The following PCP4L1 variants were observed in gnomAD, a reference collection of about 807,000 sequenced individuals.
The protein encoded by PCP4L1 is Purkinje cell protein 4 like 1, also known as Purkinje cell protein 4-like protein 1.
In PCP4L1, 9 loss-of-function variants were observed where a neutral mutation model predicts 9.6. The ratio of observed to expected loss-of-function variants is 0.94; its 90% CI spans 0.57 to 1.64. PCP4L1 has a LOEUF of 1.64. Among genes scored for constraint, PCP4L1 ranks in the 40% most tolerant of loss-of-function variants. The pLI, the probability that PCP4L1 is intolerant of heterozygous loss-of-function variation, is 0.00. For synonymous variants in PCP4L1, 31 were observed against 28.2 expected, an observed-to-expected ratio of 1.10 and a Z score of -0.31; for missense variants, 81 against 80.8, an observed-to-expected ratio of 1.00 and a Z score of -0.01.
At chr1:161,282,167 TC>T (rs974780929) in intron 1 of PCP4L1, among the ~76,000 whole-genome samples, 15 of 152,026 alleles carry the variant, frequency 9.9e-5, no homozygotes, top group African/African-American at 3.4e-4. Flanking sequence ...GGCGGATCAC[TC>T]GCGGTTAGGA....
chr1:161,258,960 T>C lies in PCP4L1; in HGVS notation c.-15T>C, dbSNP rs775680032. On this transcript the variant is annotated 5_prime_UTR_variant, in exon 1 of 3. Transcript: ENST00000504449. ...TGTGCGTGCAGCGCCTCGCGCGCCCTGTCCGGCTGCGGAGATGAGCGAGGT... is the reference window on the plus strand; with the variant it reads ...TGTGCGTGCAGCGCCTCGCGCGCCCCGTCCGGCTGCGGAGATGAGCGAGGT... The C allele has an allele frequency of 9.5e-5, 145 of 1,534,306 alleles. 1 individual carries two copies. The African/African-American group carries it at 1.3e-3, about 14-fold the overall frequency.
At chr1:161,279,056 T>C (rs979772629) in intron 1 of PCP4L1, among the ~76,000 whole-genome samples, 1 of 152,360 alleles carries the variant, frequency 6.6e-6, no homozygotes, top group Non-Finnish European at 1.5e-5. Flanking sequence ...GTGCTGAGAT[T>C]ACAGGCATGA....
Position 161,284,917 on chromosome 1 carries a change from C to T in PCP4L1, c.*436C>T, listed in dbSNP as rs1669883414. The T allele has an allele frequency of 5.9e-6, 1 of 168,264 alleles. No homozygotes were observed. Among genetic ancestry groups the T allele is most frequent in the Non-Finnish European group, 1.3e-5 (1 of 77,068 alleles). 10.4% of individuals were successfully genotyped at this position (168,264 alleles called of 1,614,324 possible). A position where few individuals can be genotyped will look rare whatever the true frequency, so the allele number is the denominator to read the frequency against. On this transcript the variant is annotated 3_prime_UTR_variant, in exon 3 of 3. Transcript: ENST00000504449. The stretch of plus-strand genomic sequence containing the variant: ...GTAACATTTTTTTTCCCCTTCAGAT[C>T]CTTCTGCACCAACTCCAACTTCCCC...
chr1:161,279,067 G>A (rs1229738410), intron 1 of PCP4L1, among the ~76,000 whole-genome samples: 1 of 152,206 alleles, frequency 6.6e-6, no homozygotes, highest in Non-Finnish European at 1.5e-5. Context: ...ACAGGCATGA[G>A]CCACTGCATC....
intron 1 of PCP4L1, among the ~76,000 whole-genome samples, chr1:161,278,784 C>T (rs1187152671): frequency 2.6e-5 from 4 of 152,104 alleles, no homozygotes; most frequent in Admixed American, 6.6e-5. Context: ...GTCTTTCTTT[C>T]TCTTTCCTCT....
At chr1:161,282,116 A>G (rs1242825886) in intron 1 of PCP4L1, among the ~76,000 whole-genome samples, 2 of 152,132 alleles carry the variant, frequency 1.3e-5, no homozygotes, top group Non-Finnish European at 2.9e-5. Flanking sequence ...TGAGTGAACA[A>G]GACTCCGTCT....
At chr1:161,278,670 G>GA (rs145446906) in intron 1 of PCP4L1, among the ~76,000 whole-genome samples, 6 of 152,098 alleles carry the variant, frequency 3.9e-5, no homozygotes, top group East Asian at 3.9e-4. Context: ...CATCAGCTCA[G>GA]AAAAAAATCG....
chr1:161,279,558 G>A (rs959921277), intron 1 of PCP4L1, among the ~76,000 whole-genome samples: 7 of 152,226 alleles, frequency 4.6e-5, no homozygotes, highest in Non-Finnish European at 8.8e-5. Context: ...GAACCCTTAC[G>A]TCTGGCAGTC....
rs142019027 is a variant in PCP4L1, at chr1:161,280,885, G to T, written c.10-2783G>T. ...TATTGATCATTCTTGGGTGTTTCTC[G>T]CAGAGGGGGATTTGGCAGGGTCATA... On this transcript the variant is annotated intron_variant, in intron 1 of 2. Transcript: ENST00000504449. Among the ~76,000 whole-genome samples, 3 of 151,194 alleles carry T rather than the reference G, an allele frequency of 2.0e-5. 1 individual carries two copies. The highest frequency in any genetic ancestry group is 4.2e-4 in the South Asian group (2 of 4,794).
chr1:161,276,942 C>T (rs180865706), intron 1 of PCP4L1, among the ~76,000 whole-genome samples: 33 of 151,858 alleles, frequency 2.2e-4, no homozygotes, highest in African/African-American at 7.7e-4. Flanking sequence ...TTATTGGAAC[C>T]ATTTACCAGA....
chr1:161,275,794 C>CTTTTTTT (rs1191740761), intron 1 of PCP4L1, among the ~76,000 whole-genome samples: 1 of 134,180 alleles, frequency 7.5e-6, no homozygotes, highest in Non-Finnish European at 1.6e-5. Flanking sequence ...CTAGGTCATA[C>CTTTTTTT]TTTTTTTTTT....
At position 161,284,796 on chromosome 1, in the gene PCP4L1, A is replaced by C; in HGVS notation, c.*315A>C. The C allele has an allele frequency of 3.1e-6, 1 of 327,032 alleles. No homozygotes were observed. The highest frequency in any genetic ancestry group is 5.7e-6 in the Non-Finnish European group (1 of 176,458). 20.3% of individuals were successfully genotyped at this position (327,032 alleles called of 1,614,324 possible). ...GCTTCGAGGCTGAGAGATCTCCCCAAAGAACAATGTGGGAAGGAGGGGAAG... is the reference window on the plus strand; with the variant it reads ...GCTTCGAGGCTGAGAGATCTCCCCACAGAACAATGTGGGAAGGAGGGGAAG... On this transcript the variant is annotated 3_prime_UTR_variant, in exon 3 of 3. Transcript: ENST00000504449.
chr1:161,258,997 C>T lies in PCP4L1; in HGVS notation c.9+14C>T, dbSNP rs1324517446. 1.2e-5 allele frequency: 18 copies of T among 1,530,976 alleles called. No individual in the cohort carries two copies. Among genetic ancestry groups the T allele is most frequent in the Non-Finnish European group, 1.7e-6 (2 of 1,144,660 alleles). 94.8% of individuals were successfully genotyped at this position (1,530,976 alleles called of 1,614,324 possible). ...GAGATGAGCGAGGTGAGCGGTGCGG[C>T]CCCCGGCGCTGTCGGCAGGGCTGCG... On this transcript the variant is annotated intron_variant, in intron 1 of 2. Coordinates refer to ENST00000504449, the MANE Select transcript of PCP4L1 (RefSeq NM_001102566.2).
At chr1:161,266,322 G>A (rs539812256) in intron 1 of PCP4L1, among the ~76,000 whole-genome samples, 2 of 152,306 alleles carry the variant, frequency 1.3e-5, no homozygotes, top group South Asian at 4.1e-4. Flanking sequence ...TTAACACCAT[G>A]GGTGGGATGC....
Position 161,284,619 on chromosome 1 carries a change from C to T in PCP4L1, c.*138C>T, listed in dbSNP as rs1205814328. The T allele has an allele frequency of 8.6e-7, 1 of 1,162,732 alleles. No individual in the cohort carries two copies. Among genetic ancestry groups the T allele is most frequent in the African/African-American group, 1.6e-5 (1 of 63,916 alleles). 72.0% of individuals were successfully genotyped at this position (1,162,732 alleles called of 1,614,324 possible). On this transcript the variant is annotated 3_prime_UTR_variant, in exon 3 of 3. Coordinates refer to ENST00000504449, the MANE Select transcript of PCP4L1 (RefSeq NM_001102566.2). ...ACCTTTATATACTCTTGTATCTGGC[C>T]CCCTCAAGCCATCACAGAAGTAGAG...
intron 1 of PCP4L1, among the ~76,000 whole-genome samples, chr1:161,265,732 C>CTTT (rs869123262): frequency 1.4e-3 from 108 of 76,702 alleles, no homozygotes; most frequent in Non-Finnish European, 1.8e-3. Flanking sequence ...TCCAAAACCA[C>CTTT]TTTTTTTTTT....
At chr1:161,259,900 A>G (rs1311686149) in intron 1 of PCP4L1, among the ~76,000 whole-genome samples, 2 of 152,242 alleles carry the variant, frequency 1.3e-5, no homozygotes, top group Admixed American at 6.5e-5. Context: ...TAGGCCAGCT[A>G]CTTACCTGTG....
Position 161,272,673 on chromosome 1 carries a change from T to TTTTA in PCP4L1, c.10-10979_10-10976dup, listed in dbSNP as rs562131886. On this transcript the variant is annotated intron_variant, in intron 1 of 2. Coordinates refer to ENST00000504449, the MANE Select transcript of PCP4L1 (RefSeq NM_001102566.2). ...AAAAGAAATTCAGGTTGAGGGAGGC[T>TTTTA]TTTATTTATTTATTTATTTTTATTT... is the stretch of plus-strand genomic sequence containing the variant. Among the ~76,000 whole-genome samples, 36 of 151,994 alleles carry TTTTA rather than the reference T, an allele frequency of 2.4e-4. No individual in the cohort carries two copies. The South Asian group carries it at 3.9e-3, about 17-fold the overall frequency.
intron 1 of PCP4L1, among the ~76,000 whole-genome samples, chr1:161,274,489 A>G (rs911963816): frequency 6.6e-6 from 1 of 152,210 alleles, no homozygotes; most frequent in Non-Finnish European, 1.5e-5. Flanking sequence ...CTCTGCAGGT[A>G]TGAGTTTTTG....
Sources: gnomAD v4.1 joint callset for allele counts (sites outside exome capture counted in the v4.1 genomes callset) on GRCh38, gnomAD v4.1.1 for gene constraint, MANE v1.5 for transcripts, NCBI Gene and HGNC (gene_info 2026-07-23, HGNC 2026-07-21) for gene names.